The following PACSIN3 variants were observed in gnomAD, a reference collection of about 807,000 sequenced individuals.
PACSIN3 encodes the protein protein kinase C and casein kinase substrate in neurons protein 3.
Under a neutral mutation model 56.1 loss-of-function variants are expected in PACSIN3, and 34 were observed. The observed-to-expected ratio is 0.61, with a 90% CI of 0.46 to 0.81. The LOEUF is 0.81. Among genes scored for constraint, PACSIN3 ranks in the 30% least tolerant of loss-of-function variants. PACSIN3 has a pLI of 0.00. For synonymous variants in PACSIN3, 218 were observed against 229.8 expected (o/e 0.95, Z 0.46); for missense variants, 535 against 592.4 (o/e 0.90, Z 1.01).
chr11:47,183,762 C>T (rs1242266551), intron 1 of PACSIN3, among the ~76,000 whole-genome samples: 3 of 152,180 alleles, frequency 2.0e-5, no homozygotes, highest in Admixed American at 6.5e-5. Context: ...TGGCTCACGC[C>T]TGTAATCTCA....
At chr11:47,180,366 G>A in intron 5 of PACSIN3, 25 bp from the exon 6 acceptor site, 1 of 1,601,054 alleles carries the variant, frequency 6.2e-7, no homozygotes, top group Non-Finnish European at 8.5e-7. Context: ...GACCACTCTG[G>A]ACCCTGGATG....
chr11:47,181,117 C>T (rs1347124091), intron 4 of PACSIN3, among the ~76,000 whole-genome samples: 4 of 152,090 alleles, frequency 2.6e-5, no homozygotes, highest in Non-Finnish European at 5.9e-5. Context: ...AAAAAATTAG[C>T]CGGGCATGGT....
chr11:47,180,770 T>C, intron 4 of PACSIN3, 80 bp from the exon 5 acceptor site: 2 of 1,138,086 alleles, frequency 1.8e-6, no homozygotes, highest in Non-Finnish European at 2.5e-6. Flanking sequence ...GTGTGAGGCA[T>C]GGAGGCATGG....
chr11:47,178,156 G>C lies in PACSIN3; in HGVS notation c.1160-110C>G, dbSNP rs1952924574. 8.3e-7 allele frequency: 1 copy of C among 1,207,094 alleles called. No homozygotes were observed. Among genetic ancestry groups the C allele is most frequent in the East Asian group, 2.4e-5 (1 of 41,316 alleles). The allele number at this position is 1,207,094 out of a possible 1,614,324, so 74.8% of individuals were successfully genotyped here. A position where few individuals can be genotyped will look rare whatever the true frequency, so the allele number is the denominator to read the frequency against. Reference sequence around the variant, plus strand: ...GTGGTCCCAGAGCCCAGCTAGCAAAGACATGGCTCAGGCAGAGGCAGGTCA... The same window carrying C: ...GTGGTCCCAGAGCCCAGCTAGCAAACACATGGCTCAGGCAGAGGCAGGTCA... On this transcript the variant is annotated intron_variant, in intron 10 of 10. Transcript: ENST00000298838. The surrounding 1 kb of genome is among the most constrained non-coding windows in gnomAD (Gnocchi z 4.2).
At chr11:47,184,747 T>C (rs1012896975) in intron 1 of PACSIN3, among the ~76,000 whole-genome samples, 1 of 152,164 alleles carries the variant, frequency 6.6e-6, no homozygotes, top group Non-Finnish European at 1.5e-5. Flanking sequence ...GACAGGGCGA[T>C]GGAGAGAAAG....
At position 47,179,125 on chromosome 11, in the gene PACSIN3, C is replaced by A; in HGVS notation, c.900+34G>T. On this transcript the variant is annotated intron_variant, in intron 8 of 10. Transcript: ENST00000298838. The surrounding 1 kb of genome is among the most constrained non-coding windows in gnomAD (Gnocchi z 4.4). ...GGCCGAGCTGAGTGGGAGCCCATCC[C>A]ACCTCCCATCCCCACCCCGCCTGGA... 3 of 1,613,278 alleles carry A rather than the reference C, an allele frequency of 1.9e-6. No individual in the cohort carries two copies. The South Asian group carries it at 3.3e-5, about 18-fold the overall frequency.
Position 47,178,255 on chromosome 11 carries a change from G to A in PACSIN3, c.1159+111C>T. The A allele has an allele frequency of 2.1e-6, 3 of 1,423,832 alleles. No individual in the cohort carries two copies. Among genetic ancestry groups the A allele is most frequent in the Non-Finnish European group, 2.9e-6 (3 of 1,031,860 alleles). 88.2% of individuals were successfully genotyped at this position (1,423,832 alleles called of 1,614,324 possible). On this transcript the variant is annotated intron_variant, in intron 10 of 10. Transcript: ENST00000298838. The surrounding 1 kb of genome is among the most constrained non-coding windows in gnomAD (Gnocchi z 4.2). Reference sequence around the variant, plus strand: ...CCAGCTATCTGGACCTGGAACAGCTGAAGGGACAGAGGACTGGCCCTTAAG... The same window carrying A: ...CCAGCTATCTGGACCTGGAACAGCTAAAGGGACAGAGGACTGGCCCTTAAG...
Position 47,178,527 on chromosome 11 carries a change from G to A in PACSIN3, c.1038-40C>T. On this transcript the variant is annotated intron_variant, in intron 9 of 10. Coordinates refer to ENST00000298838, the MANE Select transcript of PACSIN3 (RefSeq NM_016223.5). This position sits in a 1 kb window ranked among gnomAD's most constrained non-coding sequence, Gnocchi z 4.2. ...CAAAGGGAGCAGCTCAGAGTGCAAGGAACACGGGGCTGGAGATCTCACCCA... is the reference window on the plus strand; with the variant it reads ...CAAAGGGAGCAGCTCAGAGTGCAAGAAACACGGGGCTGGAGATCTCACCCA... 6.2e-7 allele frequency: 1 copy of A among 1,602,534 alleles called. No individual in the cohort carries two copies. The highest frequency in any genetic ancestry group is 8.5e-7 in the Non-Finnish European group (1 of 1,173,368).
Position 47,179,682 on chromosome 11 carries a change from A to T in PACSIN3, c.604-96T>A. On this transcript the variant is annotated intron_variant, in intron 6 of 10. Coordinates refer to ENST00000298838, the MANE Select transcript of PACSIN3 (RefSeq NM_016223.5). This position sits in a 1 kb window ranked among gnomAD's most constrained non-coding sequence, Gnocchi z 4.4. The stretch of plus-strand genomic sequence containing the variant: ...GACACTGCCATAGGCTGCTAGACCC[A>T]GGGCTAGCCACTAGGGGCAATCAGT... 14 of 1,226,414 alleles carry T rather than the reference A, an allele frequency of 1.1e-5. No individual in the cohort carries two copies. The highest frequency in any genetic ancestry group is 1.6e-5 in the Non-Finnish European group (14 of 886,794). The allele number at this position is 1,226,414 out of a possible 1,614,324, so 76.0% of individuals were successfully genotyped here.
At position 47,178,814 on chromosome 11, in the gene PACSIN3, A is replaced by G. The variant is rs1319227244; in HGVS notation, c.1037+80T>C. 1 of 1,541,544 alleles carries G rather than the reference A, an allele frequency of 6.5e-7. No homozygotes were observed. The highest frequency in any genetic ancestry group is 8.8e-7 in the Non-Finnish European group (1 of 1,130,244). Reference sequence around the variant, plus strand: ...ATTTTCAACCCATTTCAGGTGTGAAAGAAATGAAACCAAGGAGAAAGGAAA... The same window carrying G: ...ATTTTCAACCCATTTCAGGTGTGAAGGAAATGAAACCAAGGAGAAAGGAAA... On this transcript the variant is annotated intron_variant, in intron 9 of 10. Coordinates refer to ENST00000298838, the MANE Select transcript of PACSIN3 (RefSeq NM_016223.5). This position sits in a 1 kb window ranked among gnomAD's most constrained non-coding sequence, Gnocchi z 4.2.
Position 47,179,098 on chromosome 11 carries a change from C to A in PACSIN3, c.900+61G>T. Reference sequence around the variant, plus strand: ...ACCTTCACTTACTTCATCCCTAGCCCTGGCCGAGCTGAGTGGGAGCCCATC... The same window carrying A: ...ACCTTCACTTACTTCATCCCTAGCCATGGCCGAGCTGAGTGGGAGCCCATC... On this transcript the variant is annotated intron_variant, in intron 8 of 10. Transcript: ENST00000298838. This position sits in a 1 kb window ranked among gnomAD's most constrained non-coding sequence, Gnocchi z 4.4. The A allele has an allele frequency of 2.5e-6, 4 of 1,613,738 alleles. No individual in the cohort carries two copies. The highest frequency in any genetic ancestry group is 3.4e-6 in the Non-Finnish European group (4 of 1,179,904).
rs1443331561 is a variant in PACSIN3, at chr11:47,178,002, A to G, written c.1204T>C (p.Cys402Arg). 6.2e-7 allele frequency: 1 copy of G among 1,614,082 alleles called. No homozygotes were observed. The highest frequency in any genetic ancestry group is 2.2e-5 in the East Asian group (1 of 44,892). ...KMSEEDEQGW[C>R]QGQLQSGRIG... The stretch of plus-strand genomic sequence containing the variant: ...CGGCCACTCTGCAACTGGCCTTGGC[A>G]CCAGCCCTGCTCGTCCTCCTCACTC... Residue 402 changes from cysteine to arginine, a missense_variant, in exon 11 of 11, where the codon TGC (cysteine) becomes CGC (arginine). Cys to Arg is a radical substitution (Grantham distance 180, BLOSUM62 -3). Coordinates refer to ENST00000298838, the MANE Select transcript of PACSIN3 (RefSeq NM_016223.5). This position sits in a 1 kb window ranked among gnomAD's most constrained non-coding sequence, Gnocchi z 4.2.
chr11:47,180,760 G>A (rs150611780), intron 4 of PACSIN3, 70 bp from the exon 5 acceptor site: 3 of 1,287,904 alleles, frequency 2.3e-6, no homozygotes, highest in African/African-American at 1.5e-5. Flanking sequence ...CTCTCACTGG[G>A]TGTGAGGCAT....
In PACSIN3 at chr11:47,179,273, A is replaced by G. The variant is rs753048704; in HGVS notation, c.786T>C (p.His262=). 31 of 1,613,904 alleles carry G rather than the reference A, an allele frequency of 1.9e-5. No homozygotes were observed. The highest frequency in any genetic ancestry group is 2.5e-5 in the Non-Finnish European group (30 of 1,180,020). ...CCTGGTGCAAGTCACGGTGGAGTTC[A>G]TGGAACCTATGACCCAAGGCACACC... The part of the protein sequence containing the change: ...HLDLSSSEKF[H]ELHRDLHQGI... Residue 262 remains histidine, a synonymous_variant, in exon 8 of 11, where the codon CAT becomes CAC. Coordinates refer to ENST00000298838, the MANE Select transcript of PACSIN3 (RefSeq NM_016223.5). This position sits in a 1 kb window ranked among gnomAD's most constrained non-coding sequence, Gnocchi z 4.4.
Position 47,178,469 on chromosome 11 carries a change from C to T in PACSIN3, c.1056G>A (p.Glu352=). Residue 352 remains glutamate, a synonymous_variant, in exon 10 of 11, where the codon GAG becomes GAA. Coordinates refer to ENST00000298838, the MANE Select transcript of PACSIN3 (RefSeq NM_016223.5). The surrounding 1 kb of genome is among the most constrained non-coding windows in gnomAD (Gnocchi z 4.2). Reference sequence around the variant, plus strand: ...TCCGGGGACTCTCTTCATCTGACCACTCCTCATCCTGCCCCGTGCTGGAGA... The same window carrying T: ...TCCGGGGACTCTCTTCATCTGACCATTCCTCATCCTGCCCCGTGCTGGAGA... The part of the protein sequence containing the change: ...PGSPGTGQDE[E]WSDEESPRKA... 6.2e-7 allele frequency: 1 copy of T among 1,613,854 alleles called. No homozygotes were observed. The highest frequency in any genetic ancestry group is 8.5e-7 in the Non-Finnish European group (1 of 1,179,998).
chr11:47,181,606 T>C (rs1250806705), intron 4 of PACSIN3, among the ~76,000 whole-genome samples: 1 of 151,960 alleles, frequency 6.6e-6, no homozygotes, highest in African/African-American at 2.4e-5. Context: ...AAAGGACCGC[T>C]AGAGCCCAGG....
intron 5 of PACSIN3, 26 bp downstream of exon 5, chr11:47,180,429 C>G (rs573700695): frequency 4.4e-6 from 7 of 1,591,812 alleles, no homozygotes; most frequent in African/African-American, 1.3e-5. Flanking sequence ...GAGCCTGTCT[C>G]GGATACCTCC....
chr11:47,179,019 C>T lies in PACSIN3; in HGVS notation c.912G>A (p.Leu304=). 1 of 1,614,110 alleles carries T rather than the reference C, an allele frequency of 6.2e-7. No homozygotes were observed. Among genetic ancestry groups the T allele is most frequent in the Non-Finnish European group, 8.5e-7 (1 of 1,180,018 alleles). Residue 304 remains leucine, a synonymous_variant, in exon 9 of 11, where the codon TTG becomes TTA. Coordinates refer to ENST00000298838, the MANE Select transcript of PACSIN3 (RefSeq NM_016223.5). The surrounding 1 kb of genome is among the most constrained non-coding windows in gnomAD (Gnocchi z 4.4). The stretch of plus-strand genomic sequence containing the variant: ...TCCGGCTGATTGTCCTCTGTGTGTC[C>T]AAGGACCACTCCTGTGGGGACAGTG... The part of the protein sequence containing the change: ...MNWPQFEEWS[L]DTQRTISRKE...
intron 3 of PACSIN3, 29 bp downstream of exon 3, chr11:47,182,645 G>C (rs1333133296): frequency 6.2e-7 from 1 of 1,607,802 alleles, no homozygotes; most frequent in Non-Finnish European, 8.5e-7. Context: ...CCCTAGACAA[G>C]TAGCTGAGCC....
Sources: allele counts gnomAD v4.1 joint callset (sites outside exome capture counted in the v4.1 genomes callset), GRCh38; gene constraint gnomAD v4.1.1; non-coding constraint Gnocchi (gnomAD v3.1); transcripts MANE v1.5; gene names NCBI Gene and HGNC (gene_info 2026-07-23, HGNC 2026-07-21).